The following STPG2 variants were observed in gnomAD, a reference collection of about 807,000 sequenced individuals.
The protein encoded by STPG2 is sperm-tail PG-rich repeat-containing protein 2.
A neutral mutation model predicts 54.2 loss-of-function variants in STPG2; 56 were observed. That is an observed-to-expected ratio of 1.03 (90% confidence interval 0.83 to 1.29). The LOEUF (loss-of-function observed/expected upper bound fraction) is 1.29, where lower values mean the gene tolerates loss of function less well. STPG2 is among the 50% of genes most tolerant of loss of function. The probability of loss-of-function intolerance (pLI) is 0.00; values close to 1 mark genes in which losing one functional copy is unlikely to be tolerated. For synonymous variants in STPG2, 200 were observed against 181.8 expected (o/e 1.10, Z -0.81); for missense variants, 596 against 544.9 (o/e 1.09, Z -0.93).
intron 4 of STPG2, among the ~76,000 whole-genome samples, chr4:97,479,703 T>G (rs1730170974): frequency 6.6e-6 from 1 of 151,848 alleles, no homozygotes; most frequent in African/African-American, 2.4e-5. Flanking sequence ...GTAAATAGAT[T>G]AAGGTTTCCA....
At chr4:97,625,480 T>C (rs11938001) in intron 10 of STPG2, among the ~76,000 whole-genome samples, 2,624 of 152,180 alleles carry the variant, frequency 0.017, 67 homozygotes, top group African/African-American at 0.059. Flanking sequence ...CAGCTAATTT[T>C]TGTATTTTCT....
rs557801162 is a variant in STPG2 at position 97,573,744 on chromosome 4, A to C, written c.1321-14627T>G. 3.3e-5 allele frequency among the ~76,000 whole-genome samples: 5 copies of C among 152,262 alleles called. No individual in the cohort carries two copies. In the East Asian group the frequency reaches 7.7e-4, roughly 24 times the overall value. On this transcript the variant is annotated intron_variant, in intron 10 of 10. Transcript: ENST00000295268. Reference sequence around the variant, plus strand: ...ATTATCATTTTCTTCATCTATAGGAAGCATGGCTTAGTGGAAATTATAAAG... The same window carrying C: ...ATTATCATTTTCTTCATCTATAGGACGCATGGCTTAGTGGAAATTATAAAG...
At chr4:98,127,359 G>A (rs1739859992) in intron 3 of STPG2, among the ~76,000 whole-genome samples, 1 of 152,074 alleles carries the variant, frequency 6.6e-6, no homozygotes, top group Non-Finnish European at 1.5e-5. Context: ...ATGGTTCAAA[G>A]GATCTAAAAC....
At chr4:97,596,266 T>C (rs774051129) in intron 10 of STPG2, among the ~76,000 whole-genome samples, 1 of 152,130 alleles carries the variant, frequency 6.6e-6, no homozygotes. Flanking sequence ...AAAAAGTAAG[T>C]TCTTTGAGAT....
chr4:98,089,691 T>C (rs1488258679), intron 5 of STPG2, among the ~76,000 whole-genome samples: 1 of 150,474 alleles, frequency 6.6e-6, no homozygotes, highest in African/African-American at 2.4e-5. Context: ...TATTCCCTTT[T>C]CGCTAGATCC....
chr4:98,053,054 C>G (rs1737372812), intron 5 of STPG2, among the ~76,000 whole-genome samples: 1 of 152,148 alleles, frequency 6.6e-6, no homozygotes. Flanking sequence ...CATTAGAAAA[C>G]AGTAGTTCTC....
At chr4:97,856,636 C>T (rs1212982601) in intron 8 of STPG2, among the ~76,000 whole-genome samples, 1 of 152,180 alleles carries the variant, frequency 6.6e-6, no homozygotes, top group African/African-American at 2.4e-5. Flanking sequence ...CTCTTCCTAT[C>T]TGAATATGCT....
At chr4:97,841,460 A>G (rs544806436) in intron 8 of STPG2, among the ~76,000 whole-genome samples, 2 of 151,894 alleles carry the variant, frequency 1.3e-5, no homozygotes, top group East Asian at 3.9e-4. Context: ...ACCCACATGG[A>G]TATTAATAAA....
At chr4:97,865,815 A>C (rs572355113) in intron 8 of STPG2, among the ~76,000 whole-genome samples, 1 of 151,914 alleles carries the variant, frequency 6.6e-6, no homozygotes, top group Non-Finnish European at 1.5e-5. Context: ...AAACCTGCAC[A>C]TTGTGCACAT....
intron 4 of STPG2, among the ~76,000 whole-genome samples, chr4:97,483,693 T>C (rs1423166509): frequency 6.6e-6 from 1 of 151,646 alleles, no homozygotes; most frequent in Non-Finnish European, 1.5e-5. Flanking sequence ...AAAGAAACAA[T>C]GGATTTGAAC....
chr4:97,830,227 C>G (rs918968983), intron 9 of STPG2, among the ~76,000 whole-genome samples: 6 of 152,154 alleles, frequency 3.9e-5, no homozygotes, highest in African/African-American at 1.4e-4. Flanking sequence ...ATTCAACATT[C>G]TTAAAGAAAA....
At chr4:98,019,045 G>T (rs1032050594) in intron 5 of STPG2, among the ~76,000 whole-genome samples, 1 of 151,688 alleles carries the variant, frequency 6.6e-6, no homozygotes, top group Non-Finnish European at 1.5e-5. Context: ...TGTCAATTTT[G>T]GCTTTTGTTG....
chr4:97,846,826 C>A lies in STPG2; in HGVS notation c.1045-5894G>T, dbSNP rs542891988. Among the ~76,000 whole-genome samples the A allele has an allele frequency of 3.3e-5, 5 of 152,080 alleles. No individual in the cohort carries two copies. The South Asian group carries it at 8.3e-4, about 25-fold the overall frequency. On this transcript the variant is annotated intron_variant, in intron 8 of 10. Transcript: ENST00000295268. ...AATACACTAGAGTTAAAATTCTGAG[C>A]AATTAAGCCAGAACTACTTCCTCTT...
chr4:97,825,353 G>T (rs1008026102), intron 9 of STPG2, among the ~76,000 whole-genome samples: 2 of 152,074 alleles, frequency 1.3e-5, no homozygotes, highest in African/African-American at 4.8e-5. Flanking sequence ...TTACTTTTGG[G>T]GATAGCTAAT....
intron 10 of STPG2, among the ~76,000 whole-genome samples, chr4:97,638,006 A>G (rs907133544): frequency 6.6e-6 from 1 of 152,008 alleles, no homozygotes; most frequent in Non-Finnish European, 1.5e-5. Context: ...TAAAGTTCAT[A>G]TGGAACCAAA....
intron 8 of STPG2, among the ~76,000 whole-genome samples, chr4:97,900,791 A>C (rs187561490): frequency 6.6e-6 from 1 of 152,150 alleles, no homozygotes; most frequent in East Asian, 1.9e-4. Flanking sequence ...GGGTGGAAGG[A>C]AGGAAAGGAG....
intron 5 of STPG2, among the ~76,000 whole-genome samples, chr4:98,016,462 T>A (rs901035768): frequency 2.0e-5 from 3 of 152,190 alleles, no homozygotes; most frequent in Non-Finnish European, 4.4e-5. Context: ...TTTTTCTTTT[T>A]GTTTCTCTAA....
At chr4:97,708,714 C>G (rs954539813) in intron 10 of STPG2, among the ~76,000 whole-genome samples, 1 of 151,328 alleles carries the variant, frequency 6.6e-6, no homozygotes, top group African/African-American at 2.4e-5. Context: ...ATACTTTTTT[C>G]TATTTTTTGG....
At chr4:97,563,428 CT>C (rs1732319204) in intron 10 of STPG2, among the ~76,000 whole-genome samples, 2 of 152,046 alleles carry the variant, frequency 1.3e-5, no homozygotes, top group African/African-American at 4.8e-5. Context: ...TTTTTTGTGT[CT>C]CTATTTCCTT....
Sources: gnomAD v4.1 joint callset for allele counts (sites outside exome capture counted in the v4.1 genomes callset) on GRCh38, gnomAD v4.1.1 for gene constraint, MANE v1.5 for transcripts, NCBI Gene and HGNC (gene_info 2026-07-23, HGNC 2026-07-21) for gene names.